Variants in EFCAB11 observed in about 807,000 individuals in gnomAD.
EFCAB11 encodes EF-hand calcium-binding domain-containing protein 11.
A neutral mutation model predicts 23.0 loss-of-function variants in EFCAB11; 14 were observed. The observed-to-expected ratio is 0.61, with a 90% CI of 0.40 to 0.95. The LOEUF (loss-of-function observed/expected upper bound fraction) is 0.95. EFCAB11 is among the 40% of genes least tolerant of loss of function. EFCAB11 has a pLI of 0.00. For missense variants in EFCAB11, 198 were observed against 195.8 expected (o/e 1.01, Z -0.07); for synonymous variants, 65 against 66.6 (o/e 0.98, Z 0.11).
At chr14:89,869,642 C>A (rs1888207356) in intron 5 of EFCAB11, among the ~76,000 whole-genome samples, 1 of 152,186 alleles carries the variant, frequency 6.6e-6, no homozygotes, top group Non-Finnish European at 1.5e-5. Flanking sequence ...TCTTTCTAGG[C>A]CCTGCTTCCT....
intron 5 of EFCAB11, among the ~76,000 whole-genome samples, chr14:89,867,690 AAGTTATC>A (rs1888136758): frequency 6.6e-6 from 1 of 152,236 alleles, no homozygotes; most frequent in Admixed American, 6.5e-5. Flanking sequence ...AAGATTAAGG[AAGTTATC>A]AGTTATGCAC....
At chr14:89,940,361 G>A (rs1890748465) in intron 3 of EFCAB11, among the ~76,000 whole-genome samples, 1 of 152,152 alleles carries the variant, frequency 6.6e-6, no homozygotes, top group Non-Finnish European at 1.5e-5. Context: ...AACAGCAGGT[G>A]TTTTATGACA....
chr14:89,850,135 T>G (rs536469680), intron 5 of EFCAB11, among the ~76,000 whole-genome samples: 1 of 152,224 alleles, frequency 6.6e-6, no homozygotes, highest in Non-Finnish European at 1.5e-5. Context: ...GCTGCAGTGA[T>G]GCAAACTTCA....
chr14:89,874,040 G>C (rs1327603962), intron 5 of EFCAB11, among the ~76,000 whole-genome samples: 1 of 152,200 alleles, frequency 6.6e-6, no homozygotes. Flanking sequence ...GGTTCTCCAT[G>C]AGGGCTCTAC....
intron 3 of EFCAB11, among the ~76,000 whole-genome samples, chr14:89,936,178 A>T (rs1198941025): frequency 6.6e-6 from 1 of 152,210 alleles, no homozygotes; most frequent in Non-Finnish European, 1.5e-5. Context: ...ATTCAGAGAG[A>T]ACTACATCGA....
At chr14:89,813,666 C>G (rs1297134783) in intron 5 of EFCAB11, among the ~76,000 whole-genome samples, 1 of 151,712 alleles carries the variant, frequency 6.6e-6, no homozygotes. Context: ...ACCCTCCACC[C>G]GCTATAAAAT....
intron 5 of EFCAB11, among the ~76,000 whole-genome samples, chr14:89,886,902 TA>T (rs776947397): frequency 1.1e-4 from 16 of 152,246 alleles, no homozygotes; most frequent in Non-Finnish European, 1.8e-4. Context: ...ACTTTTTAGT[TA>T]GCTAATTATT....
At chr14:89,880,334 T>G (rs1888562708) in intron 5 of EFCAB11, among the ~76,000 whole-genome samples, 1 of 152,208 alleles carries the variant, frequency 6.6e-6, no homozygotes, top group Non-Finnish European at 1.5e-5. Flanking sequence ...GTGAGTGCCC[T>G]GATCTTGGAC....
At chr14:89,849,679 A>C (rs928134149) in intron 5 of EFCAB11, among the ~76,000 whole-genome samples, 1 of 141,204 alleles carries the variant, frequency 7.1e-6, no homozygotes, top group African/African-American at 2.6e-5. Context: ...TATTATAATC[A>C]ATTTGGGACA....
chr14:89,896,108 G>T (rs1362992637), intron 5 of EFCAB11, among the ~76,000 whole-genome samples: 1 of 152,204 alleles, frequency 6.6e-6, no homozygotes, highest in African/African-American at 2.4e-5. Context: ...TCTGGCGGCC[G>T]GGCGCGGTGG....
rs145990096 is a variant in EFCAB11, at chr14:89,937,202, T to C, written c.218-4575A>G. 1.2e-4 allele frequency among the ~76,000 whole-genome samples: 19 copies of C among 152,346 alleles called. No homozygotes were observed. In the East Asian group the frequency reaches 3.1e-3, roughly 25 times the overall value. ...TGCCTGGGTCATTAGACTCTATCAA[T>C]AGTTGGCAAACTATTTCTTTTTTCA... On this transcript the variant is annotated intron_variant, in intron 3 of 5. Transcript: ENST00000316738.
At chr14:89,810,757 A>G (rs76451398) in intron 5 of EFCAB11, among the ~76,000 whole-genome samples, 57 of 120,534 alleles carry the variant, frequency 4.7e-4, no homozygotes, top group East Asian at 9.9e-4. Context: ...CTCCGTCTCA[A>G]AAAAAAAAAA....
chr14:89,951,162 TG>T, intron 2 of EFCAB11, among the ~76,000 whole-genome samples: 1 of 152,328 alleles, frequency 6.6e-6, no homozygotes, highest in East Asian at 1.9e-4. Context: ...TGAATGCACC[TG>T]GAATGCTCAT....
intron 5 of EFCAB11, among the ~76,000 whole-genome samples, chr14:89,885,487 G>A (rs986868450): frequency 5.3e-5 from 8 of 152,050 alleles, no homozygotes; most frequent in Non-Finnish European, 1.5e-5. Flanking sequence ...GACCATCCTG[G>A]CTAACATGGT....
chr14:89,870,141 C>T (rs1034333623), intron 5 of EFCAB11, among the ~76,000 whole-genome samples: 6 of 152,174 alleles, frequency 3.9e-5, no homozygotes, highest in African/African-American at 1.4e-4. Context: ...GCCCCCTCAG[C>T]ATTATAAACA....
chr14:89,846,503 A>G (rs1338758497), intron 5 of EFCAB11, among the ~76,000 whole-genome samples: 1 of 152,190 alleles, frequency 6.6e-6, no homozygotes, highest in Non-Finnish European at 1.5e-5. Flanking sequence ...CAGCTCTTCA[A>G]TTCTGATGAA....
intron 5 of EFCAB11, among the ~76,000 whole-genome samples, chr14:89,867,024 C>T (rs2140157757): frequency 6.6e-6 from 1 of 152,254 alleles, no homozygotes; most frequent in Admixed American, 6.5e-5. Flanking sequence ...GTCTTGGTCT[C>T]CCAAAGTGCT....
intron 5 of EFCAB11, among the ~76,000 whole-genome samples, chr14:89,839,399 G>C (rs191995036): frequency 2.6e-5 from 4 of 152,276 alleles, no homozygotes; most frequent in Admixed American, 2.6e-4. Flanking sequence ...TTTTCTAACA[G>C]AGTGGTCAGA....
At chr14:89,807,921 A>G (rs961712519) in intron 5 of EFCAB11, among the ~76,000 whole-genome samples, 2 of 152,246 alleles carry the variant, frequency 1.3e-5, no homozygotes, top group African/African-American at 4.8e-5. Flanking sequence ...GGAATCAATA[A>G]GAATAATGTC....
Sources: gnomAD v4.1 joint callset for allele counts (sites outside exome capture counted in the v4.1 genomes callset) on GRCh38, gnomAD v4.1.1 for gene constraint, MANE v1.5 for transcripts, NCBI Gene and HGNC (gene_info 2026-07-23, HGNC 2026-07-21) for gene names.